PRDM4: variants seen among roughly 807,000 people sequenced by gnomAD.
PRDM4 encodes PR domain zinc finger protein 4.
In PRDM4, 38 loss-of-function variants were observed where a neutral mutation model predicts 62.3. The observed-to-expected ratio is 0.61, with a 90% CI of 0.47 to 0.80. The LOEUF is 0.80. Among genes scored for constraint, PRDM4 ranks in the 30% least tolerant of loss-of-function variants. The pLI is 0.00. For synonymous variants in PRDM4, 339 were observed against 348.2 expected (o/e 0.97, Z 0.30); for missense variants, 858 against 997.1 (o/e 0.86, Z 1.88).
Position 107,746,442 on chromosome 12 carries a change from G to T in PRDM4, c.1127-18C>A. On this transcript the variant is annotated intron_variant, in intron 5 of 11. Transcript: ENST00000228437. ...AGTACACCCTGTAGATGGCAAATTT[G>T]AGCAATACAAATGGGTTTAGTTCAA... The T allele has an allele frequency of 6.5e-7, 1 of 1,550,096 alleles. No homozygotes were observed. Among genetic ancestry groups the T allele is most frequent in the Non-Finnish European group, 8.7e-7 (1 of 1,148,408 alleles).
In PRDM4 at chr12:107,733,997, A is replaced by T; in HGVS notation, c.*213T>A. The T allele has an allele frequency of 1.9e-6, 1 of 518,712 alleles. No individual in the cohort carries two copies. The highest frequency in any genetic ancestry group is 3.3e-6 in the Non-Finnish European group (1 of 302,212). The allele number at this position is 518,712 out of a possible 1,614,324, so 32.1% of individuals were successfully genotyped here. A position where few individuals can be genotyped will look rare whatever the true frequency, so the allele number is the denominator to read the frequency against. On this transcript the variant is annotated 3_prime_UTR_variant, in exon 12 of 12. Transcript: ENST00000228437. ...ACACTTCCCTCCCAGTCCACCACTT[A>T]AAACAGGACACATGCTCAGTTTTCC...
chr12:107,742,887 C>T (rs1890564276), intron 8 of PRDM4, among the ~76,000 whole-genome samples: 1 of 152,016 alleles, frequency 6.6e-6, no homozygotes, highest in Non-Finnish European at 1.5e-5. Flanking sequence ...CCTCAGCCTC[C>T]CAAGAGCTGG....
At chr12:107,744,796 A>G (rs1890634887) in intron 6 of PRDM4, 135 bp from the exon 7 acceptor site, 1 of 1,253,142 alleles carries the variant, frequency 8.0e-7, no homozygotes, top group African/African-American at 1.5e-5. Flanking sequence ...GTGGTGGCTC[A>G]CGCCTGTTAT....
At chr12:107,760,121 T>C (rs1891192305) in intron 2 of PRDM4, among the ~76,000 whole-genome samples, 1 of 152,198 alleles carries the variant, frequency 6.6e-6, no homozygotes, top group Non-Finnish European at 1.5e-5. Context: ...AACATCAGCA[T>C]GAAGCTTGCA....
chr12:107,744,556 T>G lies in PRDM4; in HGVS notation c.1382A>C (p.Asn461Thr). 6.2e-7 allele frequency: 1 copy of G among 1,613,524 alleles called. No individual in the cohort carries two copies. Among genetic ancestry groups the G allele is most frequent in the Non-Finnish European group, 8.5e-7 (1 of 1,179,550 alleles). ...ATCAGGACTGACCTTCCAGATATGGTTAACTGCCTTGTCTGTCCATTCTGC... is the reference window on the plus strand; with the variant it reads ...ATCAGGACTGACCTTCCAGATATGGGTAACTGCCTTGTCTGTCCATTCTGC... ...EVAEWTDKAV[N>T]HIWKIYHNGV... Residue 461 changes from asparagine (N) to threonine (T), a missense_variant, in exon 7 of 12, where the codon AAC becomes ACC. Around this residue, in one of 3 missense-constraint regions of PRDM4, gnomAD observed 355 missense variants for 432.6 expected, o/e 0.82. Coordinates refer to ENST00000228437, the MANE Select transcript of PRDM4 (RefSeq NM_012406.4).
intron 8 of PRDM4, 149 bp downstream of exon 8, chr12:107,743,048 T>C (rs1050937626): frequency 1.1e-5 from 7 of 652,276 alleles, no homozygotes; most frequent in African/African-American, 1.8e-5. Flanking sequence ...ATTAAAGGTG[T>C]GAGCCACCAT....
At chr12:107,745,558 C>T (rs1185356979) in intron 6 of PRDM4, among the ~76,000 whole-genome samples, 1 of 151,950 alleles carries the variant, frequency 6.6e-6, no homozygotes, top group African/African-American at 2.4e-5. Context: ...CCAGCCTGGG[C>T]AACAGAGTGA....
intron 11 of PRDM4, among the ~76,000 whole-genome samples, chr12:107,737,193 G>T (rs1054936650): frequency 1.3e-5 from 2 of 151,922 alleles, no homozygotes; most frequent in African/African-American, 2.4e-5. Flanking sequence ...GGACACTAGG[G>T]GGGGAACTCC....
intron 6 of PRDM4, 83 bp from the exon 7 acceptor site, chr12:107,744,744 G>T: frequency 9.1e-6 from 14 of 1,544,766 alleles, no homozygotes; most frequent in Non-Finnish European, 1.1e-5. Context: ...CCCATGCAAA[G>T]AATCTTATTT....
chr12:107,742,139 A>G (rs576473421), intron 9 of PRDM4, 82 bp downstream of exon 9: 1 of 1,432,960 alleles, frequency 7.0e-7, no homozygotes, highest in South Asian at 1.3e-5. Flanking sequence ...TTCAGCTAAC[A>G]TGTAAATCAT....
At chr12:107,754,184 A>G (rs1890991191) in intron 3 of PRDM4, 75 bp from the exon 4 acceptor site, 1 of 1,230,118 alleles carries the variant, frequency 8.1e-7, no homozygotes, top group Admixed American at 2.7e-5. Context: ...CACTGGCTAA[A>G]CTCTTAGAAA....
In PRDM4 at chr12:107,734,464, T is replaced by G; in HGVS notation, c.2152A>C (p.Lys718Gln). The G allele has an allele frequency of 6.2e-7, 1 of 1,614,186 alleles. No individual in the cohort carries two copies. The highest frequency in any genetic ancestry group is 8.5e-7 in the Non-Finnish European group (1 of 1,180,006). ...CCTTCATGAGAATTGAGATGCTTCT[T>G]TAAGTGATTTGTTCTCAAGAACAGC... ...DKLFLRTNHL[K>Q]KHLNSHEGKR... The change falls in exon 12 of 12, where the codon AAG becomes CAG. Residue 718 changes from lysine to glutamine, a missense_variant. This residue lies in a region of PRDM4 where 355 missense variants were observed against 432.6 expected (regional missense o/e 0.82). Transcript: ENST00000228437.
At chr12:107,752,273 T>G in intron 4 of PRDM4, 64 bp from the exon 5 acceptor site, 1 of 1,199,164 alleles carries the variant, frequency 8.3e-7, no homozygotes, top group Non-Finnish European at 1.2e-6. Flanking sequence ...TTCCAAGCAC[T>G]AGACGCTATT....
rs1432766666 is a variant in PRDM4, at chr12:107,751,030, G to A, written c.1126+385C>T. Among the ~76,000 whole-genome samples the A allele has an allele frequency of 2.6e-5, 4 of 152,178 alleles. No individual in the cohort carries two copies. The East Asian group carries it at 5.8e-4, about 22-fold the overall frequency. On this transcript the variant is annotated intron_variant, in intron 5 of 11. Transcript: ENST00000228437. ...CTTCCTCAGCCTCCAGAATAGCTGG[G>A]ACTATTCACAGGTGGGATCACAGAA...
At position 107,741,146 on chromosome 12, in the gene PRDM4, C is replaced by T. The variant is rs1593164283; in HGVS notation, c.1724G>A (p.Gly575Glu). ...SHIHNHLPTQ[G>E]HSGSHGPSHS... ...ACTTGGCCCATGGCTGCCGCTATGT[C>T]CCTGGGTAGGAAGATGGTTATGGAT... Residue 575 changes from glycine (G) to glutamate (E), a missense_variant, in exon 10 of 12, where the codon GGA becomes GAA. Physicochemically the swap from Gly to Glu is moderately conservative, Grantham distance 98. Coordinates refer to ENST00000228437, the MANE Select transcript of PRDM4 (RefSeq NM_012406.4). 1 of 1,614,086 alleles carries T rather than the reference C, an allele frequency of 6.2e-7. No individual in the cohort carries two copies. The highest frequency in any genetic ancestry group is 8.5e-7 in the Non-Finnish European group (1 of 1,180,026).
In PRDM4 at chr12:107,751,543, GTGA is replaced by G; in HGVS notation, c.995_997del (p.Ile332del). 1 of 1,612,216 alleles carries G rather than the reference GTGA, an allele frequency of 6.2e-7. No homozygotes were observed. Among genetic ancestry groups the G allele is most frequent in the Non-Finnish European group, 8.5e-7 (1 of 1,178,240 alleles). ...ACCTGTCCCCATAGCAACCTCCTGG[GTGA>G]TGGAGGAGACAGCCACAGGTTCTAG... On this transcript the variant is annotated inframe_deletion, in exon 5 of 12. Transcript: ENST00000228437.
At chr12:107,753,543 C>T (rs1235573209) in intron 4 of PRDM4, among the ~76,000 whole-genome samples, 1 of 152,038 alleles carries the variant, frequency 6.6e-6, no homozygotes, top group Non-Finnish European at 1.5e-5. Flanking sequence ...AAATTTTCCG[C>T]AATAAGCATA....
rs914843401 is a variant in PRDM4, at chr12:107,733,685, G to C, written c.*525C>G. 1 of 152,974 alleles carries C rather than the reference G, an allele frequency of 6.5e-6. No homozygotes were observed. Among genetic ancestry groups the C allele is most frequent in the Non-Finnish European group, 1.5e-5 (1 of 68,652 alleles). The allele number at this position is 152,974 out of a possible 1,614,324, so 9.5% of individuals were successfully genotyped here. A position where few individuals can be genotyped will look rare whatever the true frequency, so the allele number is the denominator to read the frequency against. ...CAAGTGGCCAGGAGCAGTTAAGGCA[G>C]GTCCTGCTTTAAACTTACTAGCTGC... On this transcript the variant is annotated 3_prime_UTR_variant, in exon 12 of 12. Transcript: ENST00000228437.
chr12:107,741,566 A>C (rs1307918814), intron 9 of PRDM4, among the ~76,000 whole-genome samples: 3 of 152,068 alleles, frequency 2.0e-5, no homozygotes, highest in African/African-American at 7.2e-5. Flanking sequence ...AAACTTAAAA[A>C]TCATTGGCTG....
Sources: gnomAD v4.1 joint callset for allele counts (sites outside exome capture counted in the v4.1 genomes callset) on GRCh38, gnomAD v4.1.1 for gene constraint, gnomAD v4.1.1 regional missense constraint, MANE v1.5 for transcripts, NCBI Gene and HGNC (gene_info 2026-07-23, HGNC 2026-07-21) for gene names.